Variants in SGK1 observed in about 807,000 individuals in gnomAD.
SGK1 encodes the protein serine/threonine-protein kinase Sgk1.
Under a neutral mutation model 64.2 loss-of-function variants are expected in SGK1, and 26 were observed. That is an observed-to-expected ratio of 0.40 (90% CI 0.30 to 0.56). The LOEUF is 0.56. Ranked by LOEUF, SGK1 falls within the 20% of genes least tolerant of loss-of-function variation. The pLI is 0.38. For missense variants in SGK1, 519 were observed against 645.6 expected, an observed-to-expected ratio of 0.80 and a Z score of 2.12; for synonymous variants, 265 against 239.7, an observed-to-expected ratio of 1.11 and a Z score of -0.98.
intron 3 of SGK1, among the ~76,000 whole-genome samples, chr6:134,199,560 A>G (rs1775649493): frequency 6.8e-6 from 1 of 147,620 alleles, no homozygotes; most frequent in African/African-American, 2.5e-5. Flanking sequence ...CTCTCTCTCA[A>G]AAAAAAAAAA....
At chr6:134,185,520 G>C (rs1044368823) in intron 3 of SGK1, among the ~76,000 whole-genome samples, 3 of 151,016 alleles carry the variant, frequency 2.0e-5, no homozygotes, top group Non-Finnish European at 4.4e-5. Flanking sequence ...TTAGTGCCAA[G>C]TTAAGATATG....
At chr6:134,203,792 G>A (rs909805280) in intron 3 of SGK1, among the ~76,000 whole-genome samples, 8 of 152,106 alleles carry the variant, frequency 5.3e-5, no homozygotes, top group Admixed American at 1.3e-4. Context: ...GGTTGGGCAC[G>A]GTGGCTCATG....
chr6:134,312,853 A>G (rs927524356), intron 1 of SGK1, among the ~76,000 whole-genome samples: 3 of 151,618 alleles, frequency 2.0e-5, no homozygotes, highest in Non-Finnish European at 4.4e-5. Flanking sequence ...GCTCACTACA[A>G]CCTCCGCCTC....
rs577309993 is a variant in SGK1 at position 134,284,045 on chromosome 6, A to G, written c.70-21897T>C. Among the ~76,000 whole-genome samples, 3 of 151,816 alleles carry G rather than the reference A, an allele frequency of 2.0e-5. No individual in the cohort carries two copies. In the East Asian group the frequency reaches 5.8e-4, roughly 29 times the overall value. On this transcript the variant is annotated intron_variant, in intron 1 of 13. Transcript: ENST00000367858. ...TGGTGTTCATCTGGGGTATTATGCT[A>G]TTTTATCAGTGCCAATCCATTCCTT...
chr6:134,195,287 T>C (rs1384482940), intron 3 of SGK1, among the ~76,000 whole-genome samples: 1 of 152,224 alleles, frequency 6.6e-6, no homozygotes, highest in East Asian at 1.9e-4. Flanking sequence ...TAACAAGCAA[T>C]TTTGGTCAGA....
intron 1 of SGK1, among the ~76,000 whole-genome samples, chr6:134,302,233 A>G (rs1185336739): frequency 1.3e-5 from 2 of 152,240 alleles, no homozygotes; most frequent in Admixed American, 6.5e-5. Flanking sequence ...AAGTATTTCC[A>G]TATCTTTTTG....
intron 3 of SGK1, chr6:134,175,893 A>C: frequency 8.1e-7 from 1 of 1,228,910 alleles, no homozygotes; most frequent in Non-Finnish European, 1.0e-6. Flanking sequence ...GGAAGGAAGG[A>C]AAGAAAGAGG....
At chr6:134,226,357 T>G (rs920961195) in intron 2 of SGK1, among the ~76,000 whole-genome samples, 6 of 98,712 alleles carry the variant, frequency 6.1e-5, no homozygotes, top group Admixed American at 4.7e-4. Flanking sequence ...CAAAAAGGTG[T>G]TTTTTTTTCT....
At chr6:134,202,020 A>G (rs1775694797) in intron 3 of SGK1, among the ~76,000 whole-genome samples, 1 of 152,216 alleles carries the variant, frequency 6.6e-6, no homozygotes, top group African/African-American at 2.4e-5. Context: ...CATCTTAAAG[A>G]ATATAGATTC....
chr6:134,239,660 G>T (rs1295498243), intron 2 of SGK1, among the ~76,000 whole-genome samples: 6 of 152,200 alleles, frequency 3.9e-5, no homozygotes, highest in Admixed American at 3.9e-4. Flanking sequence ...ACATTTGAAG[G>T]TGGCCCCTGC....
At chr6:134,299,202 CAA>C (rs35424584) in intron 1 of SGK1, among the ~76,000 whole-genome samples, 165 of 109,994 alleles carry the variant, frequency 1.5e-3, no homozygotes, top group African/African-American at 3.2e-3. Context: ...AAAAAAATTA[CAA>C]AAAAAAAAAA....
Position 134,205,801 on chromosome 6 carries a change from T to C in SGK1, c.361+1555A>G, listed in dbSNP as rs533941137. On this transcript the variant is annotated intron_variant, in intron 3 of 13. Transcript: ENST00000367858. ...CTCCTTGTAAAAGCGTGAGGCATAA[T>C]ACAAATATCAGATATCAGCGTGAGT... 9.8e-5 allele frequency among the ~76,000 whole-genome samples: 15 copies of C among 152,316 alleles called. 2 individuals are homozygous for C. The South Asian group carries it at 3.1e-3, about 32-fold the overall frequency.
rs539561365 is a variant in SGK1, at chr6:134,254,990, T to G, written c.285+6943A>C. Among the ~76,000 whole-genome samples the G allele has an allele frequency of 9.7e-4, 147 of 152,170 alleles. 1 individual carries two copies. Among genetic ancestry groups the G allele is most frequent in the Non-Finnish European group, 1.7e-3 (118 of 68,012 alleles). ...TTCAAGCAATTCTCCAGCCTCAACCTCCCGAGTAGCTGAGATTGCAGGCAT... is the reference window on the plus strand; with the variant it reads ...TTCAAGCAATTCTCCAGCCTCAACCGCCCGAGTAGCTGAGATTGCAGGCAT... On this transcript the variant is annotated intron_variant, in intron 2 of 13. Coordinates refer to ENST00000367858, the MANE Select transcript of SGK1 (RefSeq NM_001143676.3).
At chr6:134,258,622 TTGAACCTGGGAG>T (rs1776718844) in intron 2 of SGK1, among the ~76,000 whole-genome samples, 1 of 152,130 alleles carries the variant, frequency 6.6e-6, no homozygotes, top group Non-Finnish European at 1.5e-5. Context: ...GGAGAATCAC[TTGAACCTGGGAG>T]GCAGAGATTC....
chr6:134,226,382 T>C (rs1776179790), intron 2 of SGK1, among the ~76,000 whole-genome samples: 1 of 151,996 alleles, frequency 6.6e-6, no homozygotes, highest in Non-Finnish European at 1.5e-5. Context: ...CTTTTAAAGA[T>C]TTTTATTTTG....
At chr6:134,234,300 G>A (rs1203849213) in intron 2 of SGK1, among the ~76,000 whole-genome samples, 9 of 152,206 alleles carry the variant, frequency 5.9e-5, no homozygotes, top group African/African-American at 1.7e-4. Context: ...CTACTCAGGA[G>A]GCTGAGGCAG....
chr6:134,259,064 A>G (rs1024589880), intron 2 of SGK1, among the ~76,000 whole-genome samples: 10 of 152,248 alleles, frequency 6.6e-5, no homozygotes, highest in South Asian at 2.1e-4. Context: ...AAAGTCTGGG[A>G]ACCAGGTAAT....
Position 134,232,413 on chromosome 6 carries a change from G to GAAAAGAAAGAAAGAGAGAAAGAAAGAA in SGK1, c.286-24983_286-24982insTTCTTTCTTTCTCTCTTTCTTTCTTTT, listed in dbSNP as rs79009962. ...AAAAGAAAGAAGAAAAAGAAAGAAA[G>GAAAAGAAAGAAAGAGAGAAAGAAAGAA]AGAAAGAAAGAAAGAAAGAAAGAAA... On this transcript the variant is annotated intron_variant, in intron 2 of 13. Coordinates refer to ENST00000367858, the MANE Select transcript of SGK1 (RefSeq NM_001143676.3). Among the ~76,000 whole-genome samples the GAAAAGAAAGAAAGAGAGAAAGAAAGAA allele has an allele frequency of 2.3e-4, 11 of 47,704 alleles. 1 individual carries two copies. In the East Asian group the frequency reaches 2.9e-3, roughly 12 times the overall value. 31.3% of individuals were successfully genotyped at this position (47,704 alleles called of 152,430 possible). A position where few individuals can be genotyped will look rare whatever the true frequency, so the allele number is the denominator to read the frequency against.
At chr6:134,234,518 G>A (rs1281841882) in intron 2 of SGK1, among the ~76,000 whole-genome samples, 4 of 152,230 alleles carry the variant, frequency 2.6e-5, no homozygotes, top group Admixed American at 1.3e-4. Flanking sequence ...ATGATGTGAA[G>A]GAGCTGTTAA....
Sources: gnomAD v4.1 joint callset for allele counts (sites outside exome capture counted in the v4.1 genomes callset) on GRCh38, gnomAD v4.1.1 for gene constraint, MANE v1.5 for transcripts, NCBI Gene and HGNC (gene_info 2026-07-23, HGNC 2026-07-21) for gene names.